The following GPC3 variants were observed in gnomAD, a reference collection of about 807,000 sequenced individuals.
GPC3 encodes glypican-3.
Under a neutral mutation model 34.4 loss-of-function variants are expected in GPC3, and 3 were observed. The observed-to-expected ratio is 0.09, with a 90% CI of 0.04 to 0.23. The LOEUF is 0.23. Among genes scored for constraint, GPC3 ranks in the 10% least tolerant of loss-of-function variants. The pLI, the probability that GPC3 is intolerant of heterozygous loss-of-function variation, is 1.00. For synonymous variants in GPC3, 177 were observed against 174.0 expected (o/e 1.02, Z -0.13); for missense variants, 351 against 445.6 (o/e 0.79, Z 1.91).
At chrX:133,663,875 G>T (rs1371190258) in intron 5 of GPC3, among the ~76,000 whole-genome samples, 2 of 111,944 alleles carry the variant, frequency 1.8e-5, no homozygotes, top group African/African-American at 6.5e-5. Context: ...TCGATGGAAT[G>T]GGCACATGTA....
chrX:133,777,481 C>A (rs191894063), intron 2 of GPC3, among the ~76,000 whole-genome samples: 9 of 111,218 alleles, frequency 8.1e-5, no homozygotes, highest in Admixed American at 7.6e-4. Flanking sequence ...TCTAGTAGTG[C>A]CTGATACCCC....
chrX:133,877,654 C>A (rs1342252222), intron 2 of GPC3, among the ~76,000 whole-genome samples: 1 of 111,937 alleles, frequency 8.9e-6, no homozygotes, highest in East Asian at 2.8e-4. Flanking sequence ...AGCATGAGCT[C>A]TAATTGCAAA....
chrX:133,785,607 T>C (rs1439177007), intron 2 of GPC3, among the ~76,000 whole-genome samples: 1 of 112,145 alleles, frequency 8.9e-6, no homozygotes, highest in Non-Finnish European at 1.9e-5. Context: ...GCCTATTGTG[T>C]GCCAGGTACT....
At chrX:133,638,897 C>T (rs1281843530) in intron 6 of GPC3, among the ~76,000 whole-genome samples, 2 of 110,613 alleles carry the variant, frequency 1.8e-5, no homozygotes, top group Admixed American at 9.6e-5. Flanking sequence ...TATGTTGGGC[C>T]GCATTCAAAG....
At position 133,904,833 on chromosome X, in the gene GPC3, C is replaced by A. The variant is rs762651743; in HGVS notation, c.337+48217G>T. Among the ~76,000 whole-genome samples, 8 of 111,496 alleles carry A rather than the reference C, an allele frequency of 7.2e-5. No homozygotes were observed. The South Asian group carries it at 3.0e-3, about 42-fold the overall frequency. On this transcript the variant is annotated intron_variant, in intron 2 of 7. Coordinates refer to ENST00000370818, the MANE Select transcript of GPC3 (RefSeq NM_004484.4). ...ATAAGTAGCAATAAAAAAGAGAAAC[C>A]AACAAACAACATTGAGGCCTAGATC...
intron 6 of GPC3, among the ~76,000 whole-genome samples, chrX:133,623,076 G>C (rs920345744): frequency 3.6e-5 from 4 of 111,949 alleles, no homozygotes; most frequent in Non-Finnish European, 7.5e-5. Context: ...ATCAGTGAAT[G>C]AGAAATAAAA....
chrX:133,934,803 G>A (rs184340511), intron 2 of GPC3, among the ~76,000 whole-genome samples: 5 of 110,271 alleles, frequency 4.5e-5, no homozygotes, highest in East Asian at 2.8e-4. Context: ...GATTACAGGC[G>A]TGAGCCATCA....
rs755183987 is a variant in GPC3, at chrX:133,891,452, T to C, written c.337+61598A>G. On this transcript the variant is annotated intron_variant, in intron 2 of 7. Coordinates refer to ENST00000370818, the MANE Select transcript of GPC3 (RefSeq NM_004484.4). ...AGGGTGAATTTTATAGTATGTGAAT[T>C]ATATCTCAATAAAGTTGTCATTTTA... Among the ~76,000 whole-genome samples, 225 of 110,322 alleles carry C rather than the reference T, an allele frequency of 2.0e-3. 1 individual carries two copies. Among genetic ancestry groups the C allele is most frequent in the Non-Finnish European group, 3.8e-3 (199 of 52,907 alleles).
At chrX:133,945,289 G>A (rs1056237784) in intron 2 of GPC3, among the ~76,000 whole-genome samples, 4 of 111,571 alleles carry the variant, frequency 3.6e-5, no homozygotes, top group African/African-American at 1.3e-4. Context: ...TATTCAGGAG[G>A]CTGAGGTGGG....
chrX:133,834,249 C>G (rs2075789596), intron 2 of GPC3, among the ~76,000 whole-genome samples: 2 of 110,928 alleles, frequency 1.8e-5, no homozygotes, highest in South Asian at 7.6e-4. Context: ...GCAGACTGCA[C>G]AAGGGTGGAA....
At chrX:133,605,180 G>GC (rs1444577520) in intron 6 of GPC3, among the ~76,000 whole-genome samples, 14 of 108,375 alleles carry the variant, frequency 1.3e-4, no homozygotes, top group African/African-American at 4.4e-4. Flanking sequence ...CGTGGGGGGG[G>GC]GGCAATAAAG....
At chrX:133,843,180 A>G (rs909082773) in intron 2 of GPC3, among the ~76,000 whole-genome samples, 1 of 111,261 alleles carries the variant, frequency 9.0e-6, no homozygotes, top group Non-Finnish European at 1.9e-5. Flanking sequence ...TTAGATTGCA[A>G]CCTGATATGG....
At chrX:133,838,701 C>G (rs1488370200) in intron 2 of GPC3, among the ~76,000 whole-genome samples, 1 of 112,143 alleles carries the variant, frequency 8.9e-6, no homozygotes, top group African/African-American at 3.2e-5. Flanking sequence ...CACAGCAACC[C>G]TTCTTGCTCC....
chrX:133,694,553 C>T, intron 4 of GPC3, among the ~76,000 whole-genome samples: 1 of 110,689 alleles, frequency 9.0e-6, no homozygotes, highest in Middle Eastern at 4.6e-3. Flanking sequence ...AGAGTAAAGG[C>T]TGAGTCTAAG....
intron 2 of GPC3, among the ~76,000 whole-genome samples, chrX:133,849,521 T>C (rs1455169183): frequency 8.9e-6 from 1 of 111,852 alleles, no homozygotes; most frequent in African/African-American, 3.3e-5. Flanking sequence ...ACCATTTCTA[T>C]TTCATCAGCC....
intron 5 of GPC3, among the ~76,000 whole-genome samples, chrX:133,686,373 A>G (rs1181966778): frequency 5.4e-5 from 6 of 111,932 alleles, no homozygotes; most frequent in African/African-American, 1.9e-4. Context: ...AGTTGCTCAG[A>G]GTTTATATAA....
intron 6 of GPC3, among the ~76,000 whole-genome samples, chrX:133,631,072 G>A (rs1043514304): frequency 9.0e-6 from 1 of 111,541 alleles, no homozygotes; most frequent in Non-Finnish European, 1.9e-5. Flanking sequence ...TTCCTTACTT[G>A]AGCACATGGA....
chrX:133,685,648 A>G (rs2070992849), intron 5 of GPC3, among the ~76,000 whole-genome samples: 1 of 110,076 alleles, frequency 9.1e-6, no homozygotes, highest in African/African-American at 3.3e-5. Context: ...ATTCACCACA[A>G]TTTTCCCCTG....
intron 2 of GPC3, among the ~76,000 whole-genome samples, chrX:133,802,349 C>CAAT (rs747304663): frequency 9.3e-6 from 1 of 108,012 alleles, no homozygotes; most frequent in African/African-American, 3.5e-5. Flanking sequence ...ATTATATTAA[C>CAAT]AACAACAACA....
Sources: allele counts gnomAD v4.1 joint callset (sites outside exome capture counted in the v4.1 genomes callset), GRCh38; gene constraint gnomAD v4.1.1; transcripts MANE v1.5; gene names NCBI Gene and HGNC (gene_info 2026-07-23, HGNC 2026-07-21).